Variants in GOLIM4 observed in about 807,000 individuals in gnomAD.
GOLIM4 encodes the protein 130 kDa golgi-localized phosphoprotein.
Under a neutral mutation model 107.4 loss-of-function variants are expected in GOLIM4, and 71 were observed. The ratio of observed to expected loss-of-function variants is 0.66; its 90% CI spans 0.55 to 0.81. The LOEUF (loss-of-function observed/expected upper bound fraction) is 0.81. GOLIM4 is among the 30% of genes least tolerant of loss of function. The pLI is 0.00. For missense variants in GOLIM4, 830 were observed against 826.1 expected (o/e 1.00, Z -0.06); for synonymous variants, 327 against 294.8 (o/e 1.11, Z -1.12).
At chr3:168,035,020 T>C (rs1718566657) in intron 8 of GOLIM4, among the ~76,000 whole-genome samples, 1 of 144,936 alleles carries the variant, frequency 6.9e-6, no homozygotes. Context: ...CAAACATATA[T>C]GTGGCCAACA....
rs146509699 is a variant in GOLIM4, at chr3:168,032,635, G to A, written c.1061C>T (p.Ala354Val). The change falls in exon 9 of 16, where the codon GCA becomes GTA. Residue 354 changes from alanine (A) to valine (V), a missense_variant. Ala to Val is a moderately conservative substitution (Grantham distance 64). Coordinates refer to ENST00000470487, the MANE Select transcript of GOLIM4 (RefSeq NM_014498.5). The part of the protein sequence containing the change: ...EEEEMEQVGQ[A>V]EHLEEEHDPS... ...ATCGTGTTCCTCCTCAAGATGTTCT[G>A]CTTGCCCGACCTGCTCCATTTCTTC... The A allele has an allele frequency of 7.4e-5, 119 of 1,613,864 alleles. No individual in the cohort carries two copies. The highest frequency in any genetic ancestry group is 9.9e-5 in the Non-Finnish European group (117 of 1,179,954).
chr3:168,037,721 C>T (rs1401325956), intron 7 of GOLIM4, among the ~76,000 whole-genome samples: 1 of 152,112 alleles, frequency 6.6e-6, no homozygotes, highest in African/African-American at 2.4e-5. Flanking sequence ...CCTGTGTGTA[C>T]ATGGGGTGGG....
In GOLIM4 at chr3:168,027,791, T is replaced by TG. The variant is rs770733349; in HGVS notation, c.1559dup (p.Gly521ArgfsTer2). 1 of 1,613,482 alleles carries TG rather than the reference T, an allele frequency of 6.2e-7. No homozygotes were observed. Among genetic ancestry groups the TG allele is most frequent in the African/African-American group, 1.3e-5 (1 of 74,888 alleles). On this transcript the variant is annotated frameshift_variant, in exon 12 of 16. Coordinates refer to ENST00000470487, the MANE Select transcript of GOLIM4 (RefSeq NM_014498.5). LOFTEE classifies it high-confidence loss of function. Reference sequence around the variant, plus strand: ...GTTCACGAGGCTCATGTCTATTACCTGGATCTCCTTCTGCTTCATCTTGGT... The same window carrying TG: ...GTTCACGAGGCTCATGTCTATTACCTGGGATCTCCTTCTGCTTCATCTTGGT...
At chr3:168,068,227 T>C (rs1399003414) in intron 1 of GOLIM4, among the ~76,000 whole-genome samples, 4 of 152,092 alleles carry the variant, frequency 2.6e-5, no homozygotes. Context: ...GTAATCTATG[T>C]AAGATAAAAC....
intron 14 of GOLIM4, among the ~76,000 whole-genome samples, chr3:168,015,137 A>C (rs1372718113): frequency 2.0e-5 from 3 of 149,102 alleles, no homozygotes; most frequent in African/African-American, 7.6e-5. Flanking sequence ...ATATCTAGAA[A>C]ACCCCACTGT....
Position 168,061,764 on chromosome 3 carries a change from A to G in GOLIM4, c.188-13399T>C, listed in dbSNP as rs575626307. 2.0e-5 allele frequency among the ~76,000 whole-genome samples: 3 copies of G among 152,334 alleles called. No homozygotes were observed. The South Asian group carries it at 6.2e-4, about 32-fold the overall frequency. Reference sequence around the variant, plus strand: ...ACGAGTGAAACTAATCTCTGATGATAGAAGACAAGATACTATTCACACTGT... The same window carrying G: ...ACGAGTGAAACTAATCTCTGATGATGGAAGACAAGATACTATTCACACTGT... On this transcript the variant is annotated intron_variant, in intron 1 of 15. Coordinates refer to ENST00000470487, the MANE Select transcript of GOLIM4 (RefSeq NM_014498.5).
chr3:168,083,274 A>G (rs1349370167), intron 1 of GOLIM4, among the ~76,000 whole-genome samples: 1 of 151,752 alleles, frequency 6.6e-6, no homozygotes, highest in Non-Finnish European at 1.5e-5. Flanking sequence ...TAAGACCAGT[A>G]AAAGTATCAA....
At chr3:168,040,038 T>C (rs1718895086) in intron 7 of GOLIM4, among the ~76,000 whole-genome samples, 1 of 152,194 alleles carries the variant, frequency 6.6e-6, no homozygotes, top group Non-Finnish European at 1.5e-5. Flanking sequence ...ATCGTTTACC[T>C]TTGTTCTTTT....
chr3:168,037,047 G>A, intron 7 of GOLIM4, 53 bp from the exon 8 acceptor site: 17 of 1,317,052 alleles, frequency 1.3e-5, no homozygotes, highest in Non-Finnish European at 1.7e-5. Context: ...CCCATTCATA[G>A]ATGGGCATTT....
chr3:168,054,693 CCTGT>C (rs538533270), intron 1 of GOLIM4, among the ~76,000 whole-genome samples: 78 of 151,560 alleles, frequency 5.1e-4, no homozygotes, highest in African/African-American at 1.8e-3. Flanking sequence ...TTATTAATTC[CCTGT>C]CTATCACAAA....
Position 168,029,254 on chromosome 3 carries a change from T to C in GOLIM4, c.1482A>G (p.Ala494=), listed in dbSNP as rs775324668. 2.5e-6 allele frequency: 4 copies of C among 1,611,036 alleles called. No individual in the cohort carries two copies. The South Asian group carries it at 4.4e-5, about 18-fold the overall frequency. The change falls in exon 11 of 16, where the codon GCA becomes GCG. Residue 494 remains alanine, a synonymous_variant. Coordinates refer to ENST00000470487, the MANE Select transcript of GOLIM4 (RefSeq NM_014498.5). ...DAMDNDIVQG[A]EDQGIQGEEG... is the part of the protein sequence containing the mutation. ...CCTCTCCTTGGATTCCCTGGTCCTC[T>C]GCTCCCTGAACGATATCATTATCCA...
At chr3:168,091,158 G>A (rs1047615704) in intron 1 of GOLIM4, among the ~76,000 whole-genome samples, 3 of 152,178 alleles carry the variant, frequency 2.0e-5, no homozygotes, top group Non-Finnish European at 2.9e-5. Context: ...ACTTCTACAC[G>A]TCACATTTGT....
intron 3 of GOLIM4, among the ~76,000 whole-genome samples, chr3:168,045,967 A>C (rs1368006772): frequency 6.6e-6 from 1 of 152,134 alleles, no homozygotes; most frequent in Non-Finnish European, 1.5e-5. Context: ...TTGAAGCTTT[A>C]AACTCCTAGG....
intron 1 of GOLIM4, among the ~76,000 whole-genome samples, chr3:168,069,298 G>A (rs1001512886): frequency 2.0e-4 from 30 of 152,010 alleles, no homozygotes; most frequent in Admixed American, 1.5e-3. Flanking sequence ...TCATATGGCC[G>A]GAACATTGCT....
rs1051765295 is a variant in GOLIM4 at position 168,095,373 on chromosome 3, G to A, written c.-88C>T. The A allele has an allele frequency of 8.8e-7, 1 of 1,140,438 alleles. No homozygotes were observed. Among genetic ancestry groups the A allele is most frequent in the Non-Finnish European group, 1.3e-6 (1 of 790,496 alleles). The allele number at this position is 1,140,438 out of a possible 1,614,324, so 70.6% of individuals were successfully genotyped here. A position where few individuals can be genotyped will look rare whatever the true frequency, so the allele number is the denominator to read the frequency against. On this transcript the variant is annotated 5_prime_UTR_variant, in exon 1 of 16. Transcript: ENST00000470487. ...CGTCTCAGCAGCGGCCGCCGCAGTA[G>A]GTGGCCAGACGCAGCATGAGGAGGA...
intron 14 of GOLIM4, among the ~76,000 whole-genome samples, chr3:168,023,476 T>C (rs1276805846): frequency 6.6e-6 from 1 of 152,250 alleles, no homozygotes; most frequent in Non-Finnish European, 1.5e-5. Flanking sequence ...TCTGAAAAGC[T>C]TACAAAATCA....
chr3:168,030,865 TATCCAAAAGAAA>T lies in GOLIM4; in HGVS notation c.1177-841_1177-830del, dbSNP rs1360368830. 2.6e-5 allele frequency among the ~76,000 whole-genome samples: 4 copies of T among 152,312 alleles called. No homozygotes were observed. In the East Asian group the frequency reaches 7.7e-4, roughly 29 times the overall value. ...TCCAGCTATCCTATTACTGGGCACA[TATCCAAAAGAAA>T]GGAAATTGCTATATTGAAGAGATAC... is the stretch of plus-strand genomic sequence containing the variant. On this transcript the variant is annotated intron_variant, in intron 9 of 15. Transcript: ENST00000470487.
chr3:168,020,899 A>G (rs766484737), intron 14 of GOLIM4, among the ~76,000 whole-genome samples: 3 of 152,236 alleles, frequency 2.0e-5, no homozygotes, highest in Non-Finnish European at 4.4e-5. Flanking sequence ...AAATATGACT[A>G]GAATAATAAG....
rs533788876 is a variant in GOLIM4, at chr3:168,045,427, T to C, written c.313-546A>G. Among the ~76,000 whole-genome samples, 3 of 152,290 alleles carry C rather than the reference T, an allele frequency of 2.0e-5. No homozygotes were observed. In the South Asian group the frequency reaches 6.2e-4, roughly 32 times the overall value. On this transcript the variant is annotated intron_variant, in intron 3 of 15. Transcript: ENST00000470487. ...GCAGAGTGAGAAACTGAGTAAAGAT[T>C]AGGAACCTGCCAAGAGCAAATATTT...
Sources: gnomAD v4.1 joint callset for allele counts (sites outside exome capture counted in the v4.1 genomes callset) on GRCh38, gnomAD v4.1.1 for gene constraint, MANE v1.5 for transcripts, NCBI Gene and HGNC (gene_info 2026-07-23, HGNC 2026-07-21) for gene names.